DPP10: variants seen among roughly 807,000 people sequenced by gnomAD.
DPP10 encodes inactive dipeptidyl peptidase 10.
DPP10 carries 33 observed loss-of-function variants against 120.9 expected under a neutral mutation model. That is an observed-to-expected ratio of 0.27 (90% CI 0.21 to 0.37). The LOEUF (loss-of-function observed/expected upper bound fraction) is 0.37. Among genes scored for constraint, DPP10 ranks in the 10% least tolerant of loss-of-function variants. DPP10 has a pLI of 1.00. For missense variants in DPP10, 816 were observed against 942.8 expected (o/e 0.87, Z 1.76); for synonymous variants, 337 against 326.1 (o/e 1.03, Z -0.36).
intron 1 of DPP10, among the ~76,000 whole-genome samples, chr2:115,279,199 A>G (rs1014279013): frequency 4.6e-5 from 7 of 151,366 alleles, no homozygotes; most frequent in Non-Finnish European, 1.0e-4. Flanking sequence ...AGAAATGGAC[A>G]TTAAAACCAT....
At chr2:115,316,221 T>C (rs1298839462) in intron 2 of DPP10, among the ~76,000 whole-genome samples, 1 of 152,180 alleles carries the variant, frequency 6.6e-6, no homozygotes, top group Non-Finnish European at 1.5e-5. Context: ...CATCTGAGTC[T>C]TACAAGTTGA....
Position 114,717,695 on chromosome 2 carries a change from C to T in DPP10, c.60+274857C>T, listed in dbSNP as rs188411161. 1.1e-4 allele frequency among the ~76,000 whole-genome samples: 17 copies of T among 152,102 alleles called. 1 individual carries two copies. The highest frequency in any genetic ancestry group is 2.4e-4 in the Non-Finnish European group (16 of 68,022). On this transcript the variant is annotated intron_variant, in intron 1 of 25. Coordinates refer to ENST00000410059, the MANE Select transcript of DPP10 (RefSeq NM_020868.6). ...TGCCATAATCAGCTAAAGAAACACC[C>T]AGTACCTCCCCACCAGTACCTCCCT... is the stretch of plus-strand genomic sequence containing the variant.
chr2:114,776,663 A>G (rs1681771647), intron 1 of DPP10, among the ~76,000 whole-genome samples: 2 of 152,174 alleles, frequency 1.3e-5, no homozygotes, highest in African/African-American at 4.8e-5. Flanking sequence ...GAGCTGACAA[A>G]CACTACATTA....
chr2:115,611,750 C>T (rs756204147), intron 5 of DPP10, among the ~76,000 whole-genome samples: 2 of 152,026 alleles, frequency 1.3e-5, no homozygotes, highest in African/African-American at 4.8e-5. Context: ...GAGTCAGAAG[C>T]TCTGTGTTAG....
intron 5 of DPP10, among the ~76,000 whole-genome samples, chr2:115,599,701 T>C (rs962877740): frequency 2.6e-5 from 4 of 152,174 alleles, no homozygotes; most frequent in African/African-American, 9.7e-5. Context: ...TATTGAGTAA[T>C]TTTGAATTGC....
intron 1 of DPP10, among the ~76,000 whole-genome samples, chr2:114,674,552 A>G (rs80083889): frequency 1.1e-3 from 168 of 152,336 alleles, no homozygotes; most frequent in African/African-American, 3.8e-3. Context: ...ACTGAATATT[A>G]TAAGATATGT....
chr2:115,649,600 TG>T (rs1312508863), intron 5 of DPP10, among the ~76,000 whole-genome samples: 1 of 152,078 alleles, frequency 6.6e-6, no homozygotes, highest in Non-Finnish European at 1.5e-5. Context: ...AAATAATCTT[TG>T]GGGTTAATGT....
At chr2:114,708,130 A>T (rs181858268) in intron 1 of DPP10, among the ~76,000 whole-genome samples, 5 of 152,300 alleles carry the variant, frequency 3.3e-5, no homozygotes, top group East Asian at 1.9e-4. Flanking sequence ...TTATTCAAGG[A>T]TAGGCAGCTA....
chr2:115,187,287 C>T (rs992530741), intron 1 of DPP10, among the ~76,000 whole-genome samples: 1 of 151,812 alleles, frequency 6.6e-6, no homozygotes, highest in Non-Finnish European at 1.5e-5. Flanking sequence ...CCACCCGCCT[C>T]GGCCTCCCAA....
At chr2:115,261,034 T>C (rs980524868) in intron 1 of DPP10, among the ~76,000 whole-genome samples, 3 of 152,170 alleles carry the variant, frequency 2.0e-5, no homozygotes, top group Non-Finnish European at 4.4e-5. Context: ...ATAGAGGCAT[T>C]GTCTGGAAAC....
chr2:115,457,866 T>G (rs2073701666), intron 3 of DPP10, among the ~76,000 whole-genome samples: 1 of 152,108 alleles, frequency 6.6e-6, no homozygotes. Flanking sequence ...CAGGAATGTT[T>G]ATGACAACAT....
At chr2:115,194,975 T>C (rs1477619369) in intron 1 of DPP10, among the ~76,000 whole-genome samples, 1 of 152,102 alleles carries the variant, frequency 6.6e-6, no homozygotes, top group African/African-American at 2.4e-5. Flanking sequence ...AATTTCCTAG[T>C]GTTGGGTTTT....
chr2:115,650,017 CA>C (rs962635642), intron 5 of DPP10, among the ~76,000 whole-genome samples: 154 of 148,866 alleles, frequency 1.0e-3, no homozygotes, highest in African/African-American at 3.5e-3. Context: ...GATTTGTTGG[CA>C]AAAAAAAAGA....
At chr2:114,803,168 T>G (rs777792834) in intron 1 of DPP10, among the ~76,000 whole-genome samples, 4 of 152,210 alleles carry the variant, frequency 2.6e-5, no homozygotes, top group Non-Finnish European at 5.9e-5. Context: ...CACCTTTGCT[T>G]CTTCCTTATT....
At chr2:115,353,505 A>C (rs956898027) in intron 3 of DPP10, among the ~76,000 whole-genome samples, 12 of 152,278 alleles carry the variant, frequency 7.9e-5, no homozygotes, top group African/African-American at 2.4e-4. Flanking sequence ...AAACAGAAGA[A>C]TTTAAAATTG....
intron 1 of DPP10, among the ~76,000 whole-genome samples, chr2:115,085,143 G>T (rs1454070685): frequency 6.6e-6 from 1 of 152,212 alleles, no homozygotes; most frequent in Non-Finnish European, 1.5e-5. Flanking sequence ...GCATTCTGCA[G>T]TTCTGTCTGA....
At chr2:114,924,090 G>T (rs1475398546) in intron 1 of DPP10, among the ~76,000 whole-genome samples, 1 of 151,988 alleles carries the variant, frequency 6.6e-6, no homozygotes, top group Admixed American at 6.6e-5. Flanking sequence ...TGCTTTCTGT[G>T]GCTGCCCTCA....
intron 1 of DPP10, among the ~76,000 whole-genome samples, chr2:114,911,200 T>C (rs905612921): frequency 6.6e-6 from 1 of 152,226 alleles, no homozygotes; most frequent in Non-Finnish European, 1.5e-5. Context: ...CTCTTATTTT[T>C]TTTCACTTCA....
chr2:114,496,607 T>A (rs895205141), intron 1 of DPP10, among the ~76,000 whole-genome samples: 6 of 152,032 alleles, frequency 3.9e-5, no homozygotes, highest in Non-Finnish European at 7.4e-5. Context: ...CATGATCTAA[T>A]CACCTCCCAA....
Sources: gnomAD v4.1 joint callset for allele counts (sites outside exome capture counted in the v4.1 genomes callset) on GRCh38, gnomAD v4.1.1 for gene constraint, MANE v1.5 for transcripts, NCBI Gene and HGNC (gene_info 2026-07-23, HGNC 2026-07-21) for gene names.